Variants in FLG observed in about 807,000 individuals in gnomAD.
The protein encoded by FLG is epidermal filaggrin.
Under a neutral mutation model 3.8 loss-of-function variants are expected in FLG, and 6 were observed. The ratio of observed to expected loss-of-function variants is 1.60; its 90% CI spans 0.87 to 3.15. The LOEUF is 3.15. FLG is among the 30% of genes most tolerant of loss of function. FLG has a pLI of 0.00. For synonymous variants in FLG, 2,551 were observed against 1,931.6 expected, an observed-to-expected ratio of 1.32 and a Z score of -8.41; for missense variants, 7,595 against 5,050.9, an observed-to-expected ratio of 1.50 and a Z score of -15.27.
At position 152,303,320 on chromosome 1, in the gene FLG, T is replaced by A; in HGVS notation, c.11566A>T (p.Ser3856Cys). The A allele has an allele frequency of 3.7e-6, 6 of 1,614,116 alleles. No individual in the cohort carries two copies. Among genetic ancestry groups the A allele is most frequent in the Non-Finnish European group, 5.1e-6 (6 of 1,180,012 alleles). Residue 3856 changes from serine to cysteine, a missense_variant, in exon 3 of 3, where the codon AGC becomes TGC. Ser to Cys is a moderately radical substitution (Grantham distance 112, BLOSUM62 -1). Transcript: ENST00000368799. ...CTAACACTGGATCCCTGGCGCCTGC[T>A]TCTCCTGGACCCCGCTGATTCACCC... ...GQGESAGSRR[S>C]RRQGSSVSQD...
Position 152,308,263 on chromosome 1 carries a change from G to C in FLG, c.6623C>G (p.Ser2208Trp), listed in dbSNP as rs80152591. ...CCAAGAGGAAGCTTCATGATGATGC[G>C]ACCCTGAGTGCCTAGAGCCATCTCC... is the stretch of plus-strand genomic sequence containing the variant. ...QSGDGSRHSG[S>W]HHHEASSWAD... The change falls in exon 3 of 3, where the codon TCG becomes TGG. Residue 2208 changes from serine (S) to tryptophan (W), a missense_variant. Ser to Trp is a radical substitution (Grantham distance 177). Coordinates refer to ENST00000368799, the MANE Select transcript of FLG (RefSeq NM_002016.2). The C allele has an allele frequency of 6.2e-7, 1 of 1,613,152 alleles. No individual in the cohort carries two copies. Among genetic ancestry groups the C allele is most frequent in the East Asian group, 2.2e-5 (1 of 44,842 alleles).
In FLG at chr1:152,308,296, T is replaced by A; in HGVS notation, c.6590A>T (p.Glu2197Val). 6.2e-7 allele frequency: 1 copy of A among 1,613,674 alleles called. No homozygotes were observed. The highest frequency in any genetic ancestry group is 1.1e-5 in the South Asian group (1 of 91,054). The change falls in exon 3 of 3, where the codon GAA (glutamate) becomes GTA (valine). Residue 2197 changes from glutamate (E) to valine (V), a missense_variant. Glu to Val is a moderately radical substitution (Grantham distance 121). Transcript: ENST00000368799. ...GTGCCTAGAGCCATCTCCTGATTGT[T>A]CCTTGTCATATGTTTTTCTGCTTGC... is the stretch of plus-strand genomic sequence containing the variant. ...RSASRKTYDK[E>V]QSGDGSRHSG... is the part of the protein sequence containing the mutation.
intron 1 of FLG, 126 bp from the exon 2 acceptor site, chr1:152,315,603 T>C: frequency 1.5e-6 from 1 of 687,982 alleles, no homozygotes; most frequent in Non-Finnish European, 2.3e-6. Flanking sequence ...GAATGGAAGA[T>C]GGACATGAGA....
At position 152,310,910 on chromosome 1, in the gene FLG, A is replaced by G. The variant is rs1652365509; in HGVS notation, c.3976T>C (p.Ser1326Pro). Residue 1326 changes from serine (S) to proline (P), a missense_variant, in exon 3 of 3, where the codon TCC becomes CCC. Ser to Pro is a moderately conservative substitution (Grantham distance 74). Transcript: ENST00000368799. ...RASHGHSADS[S>P]RQSGTHHTES... ...GTGTGATGAGTGCCTGATTGTCTGG[A>G]GCTGTCTGCAGAGTGCCCGTGACTG... 6.2e-7 allele frequency: 1 copy of G among 1,613,816 alleles called. No individual in the cohort carries two copies. Among genetic ancestry groups the G allele is most frequent in the Non-Finnish European group, 8.5e-7 (1 of 1,179,966 alleles).
rs1460571295 is a variant in FLG at position 152,313,665 on chromosome 1, A to G, written c.1221T>C (p.Ser407=). The change falls in exon 3 of 3, where the codon TCT becomes TCC. Residue 407 remains serine (S), a synonymous_variant. Coordinates refer to ENST00000368799, the MANE Select transcript of FLG (RefSeq NM_002016.2). ...HSATGRGQAS[S]AVSDRGHRGS... ...CCCGGTGTCCACGATCGCTGACTGC[A>G]GATGAAGCTTGCCCGCGCCCAGTGG... is the stretch of plus-strand genomic sequence containing the variant. The G allele has an allele frequency of 1.2e-6, 2 of 1,613,848 alleles. No homozygotes were observed. The highest frequency in any genetic ancestry group is 2.2e-5 in the South Asian group (2 of 91,050).
chr1:152,311,431 C>G lies in FLG; in HGVS notation c.3455G>C (p.Ser1152Thr). The change falls in exon 3 of 3, where the codon AGC becomes ACC. Residue 1152 changes from serine (S) to threonine (T), a missense_variant. Ser to Thr is a moderately conservative substitution (Grantham distance 58, BLOSUM62 1). Coordinates refer to ENST00000368799, the MANE Select transcript of FLG (RefSeq NM_002016.2). ...CTCTTGGGACGCTGAGTGCCTGGAG[C>G]TGTCTCGTGCCTGCTCGTGGTGGGA... is the stretch of plus-strand genomic sequence containing the variant. ...QGSHHEQARDSSRHSASQEGQ... is the reference protein window; with the variant it reads ...QGSHHEQARDTSRHSASQEGQ... The G allele has an allele frequency of 6.2e-7, 1 of 1,613,992 alleles. No individual in the cohort carries two copies. Among genetic ancestry groups the G allele is most frequent in the Non-Finnish European group, 8.5e-7 (1 of 1,179,978 alleles).
Position 152,312,406 on chromosome 1 carries a change from T to A in FLG, c.2480A>T (p.Asp827Val). 1.2e-6 allele frequency: 2 copies of A among 1,613,440 alleles called. No homozygotes were observed. The highest frequency in any genetic ancestry group is 1.7e-6 in the Non-Finnish European group (2 of 1,179,836). ...RQGSHHEQAR[D>V]NSRHSASQDG... The stretch of plus-strand genomic sequence containing the variant: ...TTGGGATGCTGAGTGCCTGGAGTTG[T>A]CTCGTGCCTGCTCATGGTGGGATCC... The change falls in exon 3 of 3, where the codon GAC (aspartate) becomes GTC (valine). Residue 827 changes from aspartate to valine, a missense_variant. Transcript: ENST00000368799.
In FLG at chr1:152,308,895, T is replaced by A; in HGVS notation, c.5991A>T (p.Ala1997=). The change falls in exon 3 of 3, where the codon GCA becomes GCT. Residue 1997 remains alanine, a synonymous_variant. Coordinates refer to ENST00000368799, the MANE Select transcript of FLG (RefSeq NM_002016.2). ...RGQAASSHEQ[A]RSSAGERHGS... is the part of the protein sequence containing the mutation. ...CATGTCTTTCTCCTGCACTTGATCT[T>A]GCCTGTTCATGGGATGACGCAGCCT... 1 of 1,614,204 alleles carries A rather than the reference T, an allele frequency of 6.2e-7. No individual in the cohort carries two copies. Among genetic ancestry groups the A allele is most frequent in the Non-Finnish European group, 8.5e-7 (1 of 1,180,014 alleles).
Position 152,310,093 on chromosome 1 carries a change from C to G in FLG, c.4793G>C (p.Arg1598Thr). 1 of 1,613,988 alleles carries G rather than the reference C, an allele frequency of 6.2e-7. No homozygotes were observed. The highest frequency in any genetic ancestry group is 8.5e-7 in the Non-Finnish European group (1 of 1,179,982). Residue 1598 changes from arginine (R) to threonine (T), a missense_variant, in exon 3 of 3, where the codon AGG becomes ACG. Physicochemically the swap from Arg to Thr is moderately conservative, Grantham distance 71 (BLOSUM62 -1). Transcript: ENST00000368799. ...GTCTTCTGAGTGTCCCTCACTGTCC[C>G]TGTCCTGACTAACACTGGATCCCTG... ...RRQGSSVSQD[R>T]DSEGHSEDSE... is the part of the protein sequence containing the mutation.
At position 152,308,995 on chromosome 1, in the gene FLG, C is replaced by G; in HGVS notation, c.5891G>C (p.Arg1964Thr). The change falls in exon 3 of 3, where the codon AGA (arginine) becomes ACA (threonine). Residue 1964 changes from arginine to threonine, a missense_variant. Physicochemically the swap from Arg to Thr is moderately conservative, Grantham distance 71 (BLOSUM62 -1). Coordinates refer to ENST00000368799, the MANE Select transcript of FLG (RefSeq NM_002016.2). Reference protein sequence around the residue: ...SRHPGSHHEDRAGHGHSADSS... With the variant: ...SRHPGSHHEDTAGHGHSADSS... Reference sequence around the variant, plus strand: ...GTCTGCAGAGTGCCCGTGACCGGCTCTGTCTTCGTGATGGGACCCAGGGTG... The same window carrying G: ...GTCTGCAGAGTGCCCGTGACCGGCTGTGTCTTCGTGATGGGACCCAGGGTG... 6.2e-7 allele frequency: 1 copy of G among 1,614,170 alleles called. No homozygotes were observed. The highest frequency in any genetic ancestry group is 8.5e-7 in the Non-Finnish European group (1 of 1,180,018).
chr1:152,309,564 C>T lies in FLG; in HGVS notation c.5322G>A (p.Gln1774=). The T allele has an allele frequency of 1.2e-6, 2 of 1,613,944 alleles. No individual in the cohort carries two copies. The highest frequency in any genetic ancestry group is 1.7e-6 in the Non-Finnish European group (2 of 1,179,978). ...CTGTGCGTCCATGGGCGGACTCAGA[C>T]TGTTCATGAGTGCTCACCTGGTAGA... ...SFLYQVSTHE[Q]SESAHGRTGP... Residue 1774 remains glutamine, a synonymous_variant, in exon 3 of 3, where the codon CAG becomes CAA. Coordinates refer to ENST00000368799, the MANE Select transcript of FLG (RefSeq NM_002016.2).
rs142839051 is a variant in FLG, at chr1:152,305,321, C to G, written c.9565G>C (p.Ala3189Pro). 2,572 of 1,610,378 alleles carry G rather than the reference C, an allele frequency of 1.6e-3. 33 individuals carry two copies. The highest frequency in any genetic ancestry group is 0.01 in the African/African-American group (769 of 73,804). The change falls in exon 3 of 3, where the codon GCC (alanine) becomes CCC (proline). Residue 3189 changes from alanine (A) to proline (P), a missense_variant. Physicochemically the swap from Ala to Pro is conservative, Grantham distance 27 (BLOSUM62 -1). Transcript: ENST00000368799. Reference protein sequence around the residue: ...VSRHHEASTHADISRHSQAVQ... With the variant: ...VSRHHEASTHPDISRHSQAVQ... ...GCCTGTGAGTGTCTAGAGATGTCGG[C>G]ATGAGTGGAAGCTTCATGGTGACGT...
chr1:152,312,155 A>G lies in FLG; in HGVS notation c.2731T>C (p.Ser911Pro), dbSNP rs1299930949. 1 of 1,613,536 alleles carries G rather than the reference A, an allele frequency of 6.2e-7. No individual in the cohort carries two copies. The highest frequency in any genetic ancestry group is 1.1e-5 in the South Asian group (1 of 91,030). ...QSRDGSRHSG[S>P]RHHEASSHAD... is the part of the protein sequence containing the mutation. ...TGAGAGGAAGCTTCATGGTGACGTGACCCTGAGTGCCTGGAGCCGTCTCTT... is the reference window on the plus strand; with the variant it reads ...TGAGAGGAAGCTTCATGGTGACGTGGCCCTGAGTGCCTGGAGCCGTCTCTT... The change falls in exon 3 of 3, where the codon TCA (serine) becomes CCA (proline). Residue 911 changes from serine to proline, a missense_variant. Coordinates refer to ENST00000368799, the MANE Select transcript of FLG (RefSeq NM_002016.2).
In FLG at chr1:152,314,656, A is replaced by G. The variant is rs1398381546; in HGVS notation, c.230T>C (p.Met77Thr). 1.2e-6 allele frequency: 2 copies of G among 1,614,114 alleles called. No homozygotes were observed. The highest frequency in any genetic ancestry group is 2.2e-5 in the South Asian group (2 of 91,086). ...KKIDFTEFLL[M>T]VFKLAQAYYE... is the part of the protein sequence containing the mutation. ...ATATGCTTGAGCCAACTTGAATACC[A>G]TCAGAAGAAACTCAGTGAAGTCAAT... The change falls in exon 3 of 3, where the codon ATG becomes ACG. Residue 77 changes from methionine to threonine, a missense_variant. Physicochemically the swap from Met to Thr is moderately conservative, Grantham distance 81 (BLOSUM62 -1). Coordinates refer to ENST00000368799, the MANE Select transcript of FLG (RefSeq NM_002016.2).
At position 152,312,088 on chromosome 1, in the gene FLG, G is replaced by T; in HGVS notation, c.2798C>A (p.Ser933Ter). The T allele has an allele frequency of 6.2e-7, 1 of 1,614,120 alleles. No individual in the cohort carries two copies. Among genetic ancestry groups the T allele is most frequent in the Non-Finnish European group, 8.5e-7 (1 of 1,180,022 alleles). The change falls in exon 3 of 3, where the codon TCA becomes TAA. Residue 933 changes from serine (S) to a stop codon, truncating the protein, a stop_gained. Transcript: ENST00000368799. LOFTEE classifies it low-confidence loss of function (END_TRUNC). ...GCGCCTGCTTGTCCTGGACCCCTCT[G>T]ATTGTCCCTGGCCTGCCTGTGAGTG... ...SRHSQAGQGQ[S>*]EGSRTSRRQG...
In FLG at chr1:152,311,752, C is replaced by T; in HGVS notation, c.3134G>A (p.Arg1045Lys). ...TTGTCTGCGCGGAATGCCTGAGTGT[C>T]TGGAGCTGTCTGCTGACTGCTGGTG... ...SRHQQSADSS[R>K]HSGIPRRQAS... is the part of the protein sequence containing the mutation. Residue 1045 changes from arginine (R) to lysine (K), a missense_variant, in exon 3 of 3, where the codon AGA becomes AAA. Coordinates refer to ENST00000368799, the MANE Select transcript of FLG (RefSeq NM_002016.2). 6.2e-7 allele frequency: 1 copy of T among 1,614,144 alleles called. No individual in the cohort carries two copies. The highest frequency in any genetic ancestry group is 2.2e-5 in the East Asian group (1 of 44,866).
Position 152,310,608 on chromosome 1 carries a change from G to C in FLG, c.4278C>G (p.Ser1426=). Residue 1426 remains serine (S), a synonymous_variant, in exon 3 of 3, where the codon TCC becomes TCG. Transcript: ENST00000368799. ...AGPHQQSHKE[S]ARGQSGESSG... ...AGCTTTCCCCTGACTGGCCACGTGC[G>C]GACTCTTTGTGGCTCTGCTGATGGG... 6.2e-7 allele frequency: 1 copy of C among 1,613,920 alleles called. No individual in the cohort carries two copies.
chr1:152,319,308 ATGTG>A (rs138449164), intron 1 of FLG, among the ~76,000 whole-genome samples: 8,899 of 145,226 alleles, frequency 0.061, 244 homozygotes, highest in Non-Finnish European at 0.074. Flanking sequence ...CAACTAGAAA[ATGTG>A]TGTGTGTGTG....
At position 152,306,821 on chromosome 1, in the gene FLG, C is replaced by T. The variant is rs761492993; in HGVS notation, c.8065G>A (p.Gly2689Ser). The part of the protein sequence containing the change: ...VRDSGHRGYS[G>S]SQASDNEGHS... ...CCCTCATTGTCACTGGCCTGACTAC[C>T]ACTGTACCCTCGGTGTCCACTGTCT... The change falls in exon 3 of 3, where the codon GGT becomes AGT. Residue 2689 changes from glycine (G) to serine (S), a missense_variant. Transcript: ENST00000368799. The T allele has an allele frequency of 1.5e-6, 2 of 1,293,942 alleles. No homozygotes were observed. The highest frequency in any genetic ancestry group is 3.8e-5 in the Admixed American group (2 of 52,872). The allele number at this position is 1,293,942 out of a possible 1,614,324, so 80.2% of individuals were successfully genotyped here.
Sources: allele counts gnomAD v4.1 joint callset (sites outside exome capture counted in the v4.1 genomes callset), GRCh38; gene constraint gnomAD v4.1.1; transcripts MANE v1.5; gene names NCBI Gene and HGNC (gene_info 2026-07-23, HGNC 2026-07-21).